TRPM1: variants seen among roughly 807,000 people sequenced by gnomAD.
TRPM1 encodes TRPM1-203 APA Isoform, Intron 10.
A neutral mutation model predicts 149.4 loss-of-function variants in TRPM1; 113 were observed. The observed-to-expected ratio is 0.76, with a 90% CI of 0.65 to 0.88. The LOEUF (loss-of-function observed/expected upper bound fraction) is 0.88. Among genes scored for constraint, TRPM1 ranks in the 40% least tolerant of loss-of-function variants. TRPM1 has a pLI of 0.00. For missense variants in TRPM1, 1,976 were observed against 2,038.7 expected (o/e 0.97, Z 0.59); for synonymous variants, 741 against 759.5 (o/e 0.98, Z 0.40).
intron 1 of TRPM1, among the ~76,000 whole-genome samples, chr15:31,097,671 G>A (rs188801504): frequency 3.3e-5 from 5 of 152,000 alleles, no homozygotes; most frequent in East Asian, 3.9e-4. Flanking sequence ...AAGTGTAAAC[G>A]TCTCCATTAT....
chr15:31,121,467 G>C (rs560336697), intron 1 of TRPM1, among the ~76,000 whole-genome samples: 6 of 152,090 alleles, frequency 3.9e-5, no homozygotes, highest in Admixed American at 2.0e-4. Context: ...TGCAGTCACT[G>C]ATATGAGAAA....
intron 1 of TRPM1, among the ~76,000 whole-genome samples, chr15:31,124,645 ACT>A (rs1297592322): frequency 8.1e-6 from 1 of 123,402 alleles, no homozygotes; most frequent in African/African-American, 3.5e-5. Context: ...CAGAGTTAAG[ACT>A]CTGTCTCAAA....
chr15:31,047,302 G>A, intron 14 of TRPM1, 51 bp from the exon 15 acceptor site: 1 of 1,610,272 alleles, frequency 6.2e-7, no homozygotes. Context: ...TCGCAGTGTG[G>A]ACTTCATCAC....
rs754980973 is a variant in TRPM1 at position 31,070,119 on chromosome 15, C to G, written c.191G>C (p.Trp64Ser). Residue 64 changes from tryptophan to serine, a missense_variant, in exon 4 of 28, where the codon TGG (tryptophan) becomes TCG (serine). By Grantham distance (177) the Trp-to-Ser change is radical (BLOSUM62 -3). Around this residue, in one of 3 missense-constraint regions of TRPM1, gnomAD observed 1,332 missense variants for 1,347.1 expected, o/e 0.99. Transcript: ENST00000256552. ...SKQVETQPEK[W>S]SVAKHTQSYP... is the part of the protein sequence containing the mutation. ...GCTCTGGGTGTGCTTGGCAACAGACCATTTCTCAGGCTGAGTCTCCACCTG... is the reference window on the plus strand; with the variant it reads ...GCTCTGGGTGTGCTTGGCAACAGACGATTTCTCAGGCTGAGTCTCCACCTG... The G allele has an allele frequency of 3.7e-6, 6 of 1,613,912 alleles. No homozygotes were observed. Among genetic ancestry groups the G allele is most frequent in the Non-Finnish European group, 5.1e-6 (6 of 1,179,960 alleles).
At chr15:31,115,432 C>T (rs1370061340) in intron 1 of TRPM1, among the ~76,000 whole-genome samples, 5 of 152,092 alleles carry the variant, frequency 3.3e-5, no homozygotes, top group African/African-American at 4.8e-5. Context: ...GGCAAACTGA[C>T]ACCCTGAAAA....
At chr15:31,105,470 TGTGC>T (rs758786389), upstream of TRPM1, among the ~76,000 whole-genome samples, 3,845 of 117,748 alleles carry the variant, frequency 0.033, 81 homozygotes, top group African/African-American at 0.1. Context: ...TGTGTGTGTG[TGTGC>T]GCGCGCGCGC....
chr15:31,148,948 G>A (rs2036257413), intron 1 of TRPM1, among the ~76,000 whole-genome samples: 3 of 152,144 alleles, frequency 2.0e-5, no homozygotes, highest in Non-Finnish European at 4.4e-5. Context: ...TGGGCAACCT[G>A]CAGATGCCCT....
intron 23 of TRPM1, 27 bp from the exon 24 acceptor site, chr15:31,029,418 T>TTTGTA (rs766257032): frequency 1.2e-6 from 2 of 1,611,022 alleles, no homozygotes; most frequent in Non-Finnish European, 1.7e-6. Context: ...AAGCAGGATT[T>TTTGTA]TTGTTTTGTT....
chr15:31,121,471 TG>T (rs1339430816), intron 1 of TRPM1, among the ~76,000 whole-genome samples: 1 of 152,036 alleles, frequency 6.6e-6, no homozygotes, highest in Non-Finnish European at 1.5e-5. Context: ...GTCACTGATA[TG>T]AGAAATCAAA....
chr15:31,041,518 C>T (rs1052495535), intron 17 of TRPM1, among the ~76,000 whole-genome samples: 2 of 152,130 alleles, frequency 1.3e-5, no homozygotes, highest in South Asian at 2.1e-4. Context: ...AGGGGAAGCA[C>T]GCCCAACTCC....
At chr15:31,029,724 C>T (rs1241270292) in intron 23 of TRPM1, among the ~76,000 whole-genome samples, 1 of 152,096 alleles carries the variant, frequency 6.6e-6, no homozygotes, top group Non-Finnish European at 1.5e-5. Flanking sequence ...ATCAGGTTAA[C>T]CAATCACGCG....
intron 25 of TRPM1, among the ~76,000 whole-genome samples, chr15:31,028,059 T>C (rs955449224): frequency 6.6e-6 from 1 of 152,226 alleles, no homozygotes; most frequent in African/African-American, 2.4e-5. Flanking sequence ...GACTTTCATC[T>C]AAGAAAATAT....
chr15:31,040,742 C>T lies in TRPM1; in HGVS notation c.2088-396G>A, dbSNP rs563628563. 4.1e-4 allele frequency among the ~76,000 whole-genome samples: 63 copies of T among 151,980 alleles called. 1 individual carries two copies. The highest frequency in any genetic ancestry group is 6.8e-4 in the Non-Finnish European group (46 of 67,988). On this transcript the variant is annotated intron_variant, in intron 17 of 27. Transcript: ENST00000256552. The surrounding 1 kb of genome is among the most constrained non-coding windows in gnomAD (Gnocchi z 4.2). ...CCTGTGGAGTTGGAGGCCACAGTAG[C>T]GGGGCTGCTGGTGGTGGTGGTGGCG...
chr15:31,132,184 A>C (rs974047507), intron 1 of TRPM1, among the ~76,000 whole-genome samples: 4 of 152,204 alleles, frequency 2.6e-5, no homozygotes, highest in Non-Finnish European at 5.9e-5. Context: ...GTTGACCCCA[A>C]GGTTGGGCAC....
At chr15:31,026,332 A>G (rs1355477058) in intron 26 of TRPM1, 61 bp from the exon 27 acceptor site, 1 of 1,592,640 alleles carries the variant, frequency 6.3e-7, no homozygotes, top group Admixed American at 1.7e-5. Context: ...TCGTGGCGTC[A>G]ATGAGAATTT....
In TRPM1 at chr15:31,034,402, C is replaced by T. The variant is rs78808124; in HGVS notation, c.2700+1144G>A. 7.9e-3 allele frequency among the ~76,000 whole-genome samples: 1,196 copies of T among 152,346 alleles called. 14 individuals are homozygous for T. The highest frequency in any genetic ancestry group is 0.027 in the African/African-American group (1,125 of 41,572). Reference sequence around the variant, plus strand: ...TTTTCCCCAGGTGGGCTTGCCCACCCCATCTGCTGCAGGTGCTGCTGTTAG... The same window carrying T: ...TTTTCCCCAGGTGGGCTTGCCCACCTCATCTGCTGCAGGTGCTGCTGTTAG... On this transcript the variant is annotated intron_variant, in intron 21 of 27. Transcript: ENST00000256552.
chr15:31,084,415 A>G (rs1039005753), intron 1 of TRPM1, among the ~76,000 whole-genome samples: 7 of 152,046 alleles, frequency 4.6e-5, no homozygotes, highest in African/African-American at 1.2e-4. Context: ...TTCTGTCTCT[A>G]TGGATTTGCC....
intron 3 of TRPM1, 98 bp from the exon 4 acceptor site, chr15:31,070,324 A>T: frequency 8.5e-7 from 1 of 1,177,002 alleles, no homozygotes; most frequent in South Asian, 1.2e-5. Context: ...GTTGGGCCCA[A>T]ACAGGAGCCT....
chr15:31,091,426 G>C (rs537122181), intron 1 of TRPM1, among the ~76,000 whole-genome samples: 3 of 152,340 alleles, frequency 2.0e-5, no homozygotes, highest in African/African-American at 7.2e-5. Context: ...GTCAGTAAGC[G>C]CCTCTCAGAT....
Sources: gnomAD v4.1 joint callset for allele counts (sites outside exome capture counted in the v4.1 genomes callset) on GRCh38, gnomAD v4.1.1 for gene constraint, gnomAD v4.1.1 regional missense constraint, Gnocchi (gnomAD v3.1) non-coding constraint, MANE v1.5 for transcripts, NCBI Gene and HGNC (gene_info 2026-07-23, HGNC 2026-07-21) for gene names.